Variants in KDR observed in about 807,000 individuals in gnomAD.
KDR encodes kinase insert domain receptor.
In KDR, 43 loss-of-function variants were observed where a neutral mutation model predicts 160.9. The ratio of observed to expected loss-of-function variants is 0.27; its 90% CI spans 0.21 to 0.34. The LOEUF (loss-of-function observed/expected upper bound fraction) is 0.34, where lower values mean the gene tolerates loss of function less well. Ranked by LOEUF, KDR falls within the 10% of genes least tolerant of loss-of-function variation. KDR has a pLI of 1.00. For synonymous variants in KDR, 617 were observed against 600.1 expected, an observed-to-expected ratio of 1.03 and a Z score of -0.41; for missense variants, 1,469 against 1,666.4, an observed-to-expected ratio of 0.88 and a Z score of 2.06.
chr4:55,115,478 G>T (rs1720712553), intron 3 of KDR, 67 bp from the exon 4 acceptor site: 1 of 856,064 alleles, frequency 1.2e-6, no homozygotes, highest in Non-Finnish European at 2.0e-6. Flanking sequence ...CATTTTTCAG[G>T]TTCCTAAACT....
chr4:55,122,401 G>GA, intron 1 of KDR, among the ~76,000 whole-genome samples: 1 of 152,142 alleles, frequency 6.6e-6, no homozygotes, highest in Non-Finnish European at 1.5e-5. Context: ...TATCAACTAA[G>GA]AAAAAATGAC....
intron 15 of KDR, among the ~76,000 whole-genome samples, chr4:55,099,598 C>T (rs1440869090): frequency 1.3e-5 from 2 of 152,218 alleles, no homozygotes; most frequent in East Asian, 3.9e-4. Context: ...CATAAGAAAC[C>T]AAGTAGGGAA....
intron 21 of KDR, among the ~76,000 whole-genome samples, chr4:55,094,429 C>T (rs1056970758): frequency 2.0e-5 from 3 of 152,126 alleles, no homozygotes; most frequent in Non-Finnish European, 2.9e-5. Flanking sequence ...AAGCATGCAA[C>T]GTGGGGCAAA....
intron 27 of KDR, among the ~76,000 whole-genome samples, chr4:55,083,858 C>T (rs1013497070): frequency 6.6e-6 from 1 of 152,204 alleles, no homozygotes; most frequent in Non-Finnish European, 1.5e-5. Flanking sequence ...TCAGGAAACT[C>T]CACAAGTTAA....
At position 55,098,699 on chromosome 4, in the gene KDR, G is replaced by A. The variant is rs777472312; in HGVS notation, c.2371C>T (p.Arg791Trp). Residue 791 changes from arginine to tryptophan, a missense_variant and splice_region_variant, in exon 16 of 30, where the codon CGG (arginine) becomes TGG (tryptophan). Physicochemically the swap from Arg to Trp is moderately radical, Grantham distance 101 (BLOSUM62 -3). Transcript: ENST00000263923. Reference protein sequence around the residue: ...LLVIILRTVKRANGGELKTGY... With the variant: ...LLVIILRTVKWANGGELKTGY... ...CAGAAGGGAAATTATTTTTTTACCC[G>A]CTTAACGGTCCGTAGGATGATGACA... 15 of 1,607,852 alleles carry A rather than the reference G, an allele frequency of 9.3e-6. No individual in the cohort carries two copies. The highest frequency in any genetic ancestry group is 2.2e-5 in the East Asian group (1 of 44,824).
At chr4:55,093,340 G>A (rs928280923) in intron 21 of KDR, among the ~76,000 whole-genome samples, 4 of 152,170 alleles carry the variant, frequency 2.6e-5, no homozygotes, top group African/African-American at 4.8e-5. Context: ...AGTGCAACTG[G>A]TACAAATAAA....
intron 27 of KDR, among the ~76,000 whole-genome samples, chr4:55,086,180 A>G (rs1229398166): frequency 6.6e-6 from 1 of 152,192 alleles, no homozygotes; most frequent in African/African-American, 2.4e-5. Context: ...ACATGGACTT[A>G]GGGGTCAGAG....
In KDR at chr4:55,098,791, T is replaced by G; in HGVS notation, c.2279A>C (p.Lys760Thr). The change falls in exon 16 of 30, where the codon AAG becomes ACG. Residue 760 changes from lysine (K) to threonine (T), a missense_variant. This residue lies in a region of KDR where 118 missense variants were observed against 110.8 expected (regional missense o/e 1.06). Transcript: ENST00000263923. ...TAGAATAATGATTTCCAAGTTCGTC[T>G]TTTCCTGGGCACCTGGAAAGACACA... is the stretch of plus-strand genomic sequence containing the variant. ...AFFIIEGAQE[K>T]TNLEIIILVG... is the part of the protein sequence containing the mutation. The G allele has an allele frequency of 6.2e-7, 1 of 1,611,324 alleles. No homozygotes were observed. Among genetic ancestry groups the G allele is most frequent in the Non-Finnish European group, 8.5e-7 (1 of 1,177,746 alleles).
chr4:55,108,103 G>A (rs1720488189), intron 9 of KDR, among the ~76,000 whole-genome samples: 1 of 151,046 alleles, frequency 6.6e-6, no homozygotes, highest in African/African-American at 2.4e-5. Context: ...GCTTATGCCT[G>A]TAATCTCAGT....
intron 15 of KDR, among the ~76,000 whole-genome samples, 157 bp from the exon 16 acceptor site, chr4:55,098,960 A>G (rs938885936): frequency 3.3e-5 from 5 of 151,830 alleles, no homozygotes; most frequent in Non-Finnish European, 5.9e-5. Flanking sequence ...AATGGAGTCT[A>G]CAGAATTCTT....
Position 55,079,810 on chromosome 4 carries a change from GAGGT to G in KDR, c.*127_*130del. 1 of 823,532 alleles carries G rather than the reference GAGGT, an allele frequency of 1.2e-6. No homozygotes were observed. Among genetic ancestry groups the G allele is most frequent in the Non-Finnish European group, 2.1e-6 (1 of 479,002 alleles). The allele number at this position is 823,532 out of a possible 1,614,324, so 51.0% of individuals were successfully genotyped here. Reference sequence around the variant, plus strand: ...CTAGAAGACTGGCTCCCTGCAGTCCGAGGTCCTTTTTCTGTTGTCGAAATGAAAA... The same window carrying G: ...CTAGAAGACTGGCTCCCTGCAGTCCGCCTTTTTCTGTTGTCGAAATGAAAA... On this transcript the variant is annotated 3_prime_UTR_variant, in exon 30 of 30. Transcript: ENST00000263923.
In KDR at chr4:55,098,159, G is replaced by A. The variant is rs1184666898; in HGVS notation, c.2487C>T (p.Phe829=). 6.2e-7 allele frequency: 1 copy of A among 1,613,920 alleles called. No individual in the cohort carries two copies. The highest frequency in any genetic ancestry group is 8.5e-7 in the Non-Finnish European group (1 of 1,179,880). Residue 829 remains phenylalanine (F), a synonymous_variant, in exon 17 of 30, where the codon TTC becomes TTT. Coordinates refer to ENST00000263923, the MANE Select transcript of KDR (RefSeq NM_002253.4). ...CACCTAGCTTCAGCCGGTCTCTGGG[G>A]AATTCCCATTTGCTGGCATCATAAG... The part of the protein sequence containing the change: ...RLPYDASKWE[F]PRDRLKLGKP...
chr4:55,087,519 G>A, intron 27 of KDR, 88 bp downstream of exon 27: 1 of 1,217,258 alleles, frequency 8.2e-7, no homozygotes, highest in Non-Finnish European at 1.2e-6. Context: ...AACAGCCTTA[G>A]ACAAGGTCTT....
At chr4:55,110,361 C>T in intron 9 of KDR, 42 bp downstream of exon 9, 3 of 1,595,168 alleles carry the variant, frequency 1.9e-6, no homozygotes, top group Non-Finnish European at 2.6e-6. Flanking sequence ...GACAATGTAT[C>T]ATAATAAATC....
intron 9 of KDR, among the ~76,000 whole-genome samples, chr4:55,110,078 G>C (rs1315700737): frequency 2.0e-5 from 3 of 152,320 alleles, no homozygotes; most frequent in Non-Finnish European, 4.4e-5. Context: ...AATTCCATGA[G>C]AGGGGAACAT....
chr4:55,079,773 T>C lies in KDR; in HGVS notation c.*168A>G. 1.5e-6 allele frequency: 1 copy of C among 669,504 alleles called. No individual in the cohort carries two copies. The highest frequency in any genetic ancestry group is 2.7e-6 in the Non-Finnish European group (1 of 371,560). The allele number at this position is 669,504 out of a possible 1,614,324, so 41.5% of individuals were successfully genotyped here. A position where few individuals can be genotyped will look rare whatever the true frequency, so the allele number is the denominator to read the frequency against. ...ACACATTCTTGGGTCACAAGCCTCTTCCAGGATATGCCTAGAAGACTGGCT... is the reference window on the plus strand; with the variant it reads ...ACACATTCTTGGGTCACAAGCCTCTCCCAGGATATGCCTAGAAGACTGGCT... On this transcript the variant is annotated 3_prime_UTR_variant, in exon 30 of 30. Coordinates refer to ENST00000263923, the MANE Select transcript of KDR (RefSeq NM_002253.4).
At position 55,087,769 on chromosome 4, in the gene KDR, A is replaced by G. The variant is rs537611846; in HGVS notation, c.3511-11T>C. The G allele has an allele frequency of 3.2e-5, 51 of 1,614,064 alleles. No individual in the cohort carries two copies. The African/African-American group carries it at 6.4e-4, about 20-fold the overall frequency. ...GTAGTCTTTGCCATCCTGAAACAAT[A>G]AACACAGAAGACTGTTGTTATGGCT... On this transcript the variant is annotated splice_polypyrimidine_tract_variant and intron_variant, in intron 26 of 29. Transcript: ENST00000263923.
At position 55,114,207 on chromosome 4, in the gene KDR, T is replaced by C; in HGVS notation, c.717A>G (p.Gly239=). The C allele has an allele frequency of 6.2e-7, 1 of 1,613,936 alleles. No homozygotes were observed. The highest frequency in any genetic ancestry group is 1.1e-5 in the South Asian group (1 of 91,074). Residue 239 remains glycine (G), a synonymous_variant, in exon 6 of 30, where the codon GGA becomes GGG. Transcript: ENST00000263923. The stretch of plus-strand genomic sequence containing the variant: ...CTGTACAATTTAAGACAAGCTTTTC[T>C]CCAACAGATAGTTCAATTCCATGAG... ...SPSHGIELSV[G]EKLVLNCTAR...
Position 55,119,313 on chromosome 4 carries a change from T to G in KDR, c.162-513A>C, listed in dbSNP as rs536912399. On this transcript the variant is annotated intron_variant, in intron 2 of 29. Coordinates refer to ENST00000263923, the MANE Select transcript of KDR (RefSeq NM_002253.4). ...TTATAAAGATTCCTGAGTTTTCCAT[T>G]AATTAATGCATTCTTTCTTTCAACA... Among the ~76,000 whole-genome samples, 9 of 152,330 alleles carry G rather than the reference T, an allele frequency of 5.9e-5. No homozygotes were observed. In the East Asian group the frequency reaches 1.5e-3, roughly 26 times the overall value.
Sources: gnomAD v4.1 joint callset for allele counts (sites outside exome capture counted in the v4.1 genomes callset) on GRCh38, gnomAD v4.1.1 for gene constraint, gnomAD v4.1.1 regional missense constraint, MANE v1.5 for transcripts, NCBI Gene and HGNC (gene_info 2026-07-23, HGNC 2026-07-21) for gene names.